Variants in RNF38 observed in about 807,000 individuals in gnomAD.
The protein encoded by RNF38 is ring finger protein 38, also known as E3 ubiquitin-protein ligase RNF38.
Under a neutral mutation model 67.2 loss-of-function variants are expected in RNF38, and 15 were observed. The observed-to-expected ratio is 0.22, with a 90% CI of 0.15 to 0.34. The LOEUF (loss-of-function observed/expected upper bound fraction) is 0.34, where lower values mean the gene tolerates loss of function less well. Among genes scored for constraint, RNF38 ranks in the 10% least tolerant of loss-of-function variants. RNF38 has a pLI of 1.00. For missense variants in RNF38, 524 were observed against 639.9 expected (o/e 0.82, Z 1.95); for synonymous variants, 220 against 218.8 (o/e 1.01, Z -0.05).
chr9:36,403,409 T>C (rs559441573), upstream of RNF38, among the ~76,000 whole-genome samples: 1 of 152,336 alleles, frequency 6.6e-6, no homozygotes, highest in South Asian at 2.1e-4. Context: ...GCTAGTCCAA[T>C]TAATGAATTG....
intron 1 of RNF38, among the ~76,000 whole-genome samples, chr9:36,462,823 C>A (rs1839765686): frequency 6.6e-6 from 1 of 151,866 alleles, no homozygotes; most frequent in Non-Finnish European, 1.5e-5. Context: ...TACAGGCGGG[C>A]ACCACCACAC....
intron 2 of RNF38, 143 bp downstream of exon 2, chr9:36,390,324 A>G (rs1436571791): frequency 5.0e-6 from 3 of 605,764 alleles, no homozygotes; most frequent in Non-Finnish European, 7.7e-6. Flanking sequence ...AAAAAATATT[A>G]AAGTCCTCTA....
chr9:36,423,034 C>T (rs577484270), intron 2 of RNF38, among the ~76,000 whole-genome samples: 52 of 152,248 alleles, frequency 3.4e-4, no homozygotes, highest in African/African-American at 1.2e-3. Context: ...CCAAAAGCAC[C>T]TTCATAATTA....
intron 1 of RNF38, among the ~76,000 whole-genome samples, chr9:36,444,041 T>C (rs906429178): frequency 5.9e-5 from 9 of 152,112 alleles, no homozygotes; most frequent in African/African-American, 2.2e-4. Context: ...GGTCATCTTT[T>C]CCCCAAAAAA....
At chr9:36,381,131 A>G (rs947603204) in intron 2 of RNF38, among the ~76,000 whole-genome samples, 9 of 152,246 alleles carry the variant, frequency 5.9e-5, no homozygotes, top group Non-Finnish European at 1.0e-4. Context: ...TTTGGGGTTC[A>G]GATTTTCACG....
rs1838579725 is a variant in RNF38 at position 36,420,107 on chromosome 9, G to A, written n.312+4506C>T. On this transcript the variant is annotated intron_variant and non_coding_transcript_variant, in intron 2 of 3. Coordinates refer to the RNF38 transcript ENST00000488058. ...GCAGAGTACAGACTTGAGCAAGGCA[G>A]CTTGGGATGGAATCCCAGTGTACTG... is the stretch of plus-strand genomic sequence containing the variant. 3.3e-5 allele frequency among the ~76,000 whole-genome samples: 5 copies of A among 152,198 alleles called. No homozygotes were observed. The South Asian group carries it at 1.0e-3, about 31-fold the overall frequency.
intron 1 of RNF38, among the ~76,000 whole-genome samples, chr9:36,451,631 G>C (rs1839450532): frequency 6.8e-6 from 1 of 146,538 alleles, no homozygotes; most frequent in Non-Finnish European, 1.5e-5. Flanking sequence ...CTCCCTAATA[G>C]CTGGGATTAC....
At chr9:36,483,679 T>C (rs1283868669) in intron 1 of RNF38, among the ~76,000 whole-genome samples, 1 of 152,188 alleles carries the variant, frequency 6.6e-6, no homozygotes, top group Non-Finnish European at 1.5e-5. Context: ...ACCTCAAATG[T>C]TGGTCACAAG....
At chr9:36,374,751 G>C (rs1003517141) in intron 3 of RNF38, among the ~76,000 whole-genome samples, 2 of 152,156 alleles carry the variant, frequency 1.3e-5, no homozygotes, top group African/African-American at 2.4e-5. Context: ...CAAAGTACTG[G>C]GATAACAGGC....
At chr9:36,356,039 G>A (rs1181495329) in intron 6 of RNF38, among the ~76,000 whole-genome samples, 6 of 151,978 alleles carry the variant, frequency 3.9e-5, no homozygotes, top group Non-Finnish European at 7.4e-5. Flanking sequence ...TAGAGACAGG[G>A]TTTCACCATG....
chr9:36,372,457 CTTCA>C (rs1164800926), intron 3 of RNF38: 2 of 669,914 alleles, frequency 3.0e-6, no homozygotes, highest in African/African-American at 1.8e-5. Flanking sequence ...CCCTCTTTCA[CTTCA>C]TTCGTTTTTT....
At chr9:36,399,985 ATGG>A (rs1437636551) in intron 1 of RNF38, 109 bp downstream of exon 1, 1 of 942,684 alleles carries the variant, frequency 1.1e-6, no homozygotes, top group African/African-American at 1.7e-5. Context: ...AATTCATATA[ATGG>A]TGGCAATAAT....
At chr9:36,372,696 C>A in intron 3 of RNF38, 1 of 502,432 alleles carries the variant, frequency 2.0e-6, no homozygotes. Context: ...CTCTACTACT[C>A]TTTTGTCTTG....
upstream of RNF38, chr9:36,400,676 C>T: frequency 4.1e-6 from 4 of 985,876 alleles, no homozygotes; most frequent in Non-Finnish European, 4.8e-6. Context: ...CGCGGGCCTC[C>T]TCACCCCCGG....
intron 9 of RNF38, 107 bp from the exon 10 acceptor site, chr9:36,345,060 T>C (rs763125119): frequency 3.3e-6 from 4 of 1,202,120 alleles, no homozygotes; most frequent in South Asian, 3.1e-5. Context: ...GGCTAGAGTA[T>C]AGCGGCTGTT....
chr9:36,469,774 G>A (rs181362559), intron 1 of RNF38, among the ~76,000 whole-genome samples: 2 of 152,248 alleles, frequency 1.3e-5, no homozygotes, highest in Non-Finnish European at 2.9e-5. Flanking sequence ...CCAGGAGTTT[G>A]AGACCAGCCT....
At chr9:36,357,650 ATT>A (rs939236670) in intron 5 of RNF38, 123 bp downstream of exon 5, 4 of 589,272 alleles carry the variant, frequency 6.8e-6, no homozygotes, top group Non-Finnish European at 1.1e-5. Flanking sequence ...AGTCTCTTAA[ATT>A]TTGTTTGCTT....
chr9:36,342,722 T>C (rs1332698365), intron 10 of RNF38, among the ~76,000 whole-genome samples: 4 of 152,122 alleles, frequency 2.6e-5, no homozygotes, highest in African/African-American at 9.7e-5. Flanking sequence ...AGAATAAAGG[T>C]GGACCCCTAC....
chr9:36,343,252 T>A (rs1563992837), intron 10 of RNF38, among the ~76,000 whole-genome samples: 1 of 152,186 alleles, frequency 6.6e-6, no homozygotes, highest in Non-Finnish European at 1.5e-5. Flanking sequence ...TCAAAGGACA[T>A]CACTGAAAAA....
Sources: allele counts gnomAD v4.1 joint callset (sites outside exome capture counted in the v4.1 genomes callset), GRCh38; gene constraint gnomAD v4.1.1; transcripts MANE v1.5; gene names NCBI Gene and HGNC (gene_info 2026-07-23, HGNC 2026-07-21).